Variants in MLLT3 observed in about 807,000 individuals in gnomAD.
MLLT3 encodes the protein MLLT3 super elongation complex subunit.
MLLT3 carries 4 observed loss-of-function variants against 53.2 expected under a neutral mutation model. That is an observed-to-expected ratio of 0.08 (90% confidence interval 0.04 to 0.17). The LOEUF (loss-of-function observed/expected upper bound fraction) is 0.17. MLLT3 is among the 10% of genes least tolerant of loss of function. The pLI is 1.00. For missense variants in MLLT3, 569 were observed against 684.0 expected, an observed-to-expected ratio of 0.83 and a Z score of 1.87; for synonymous variants, 283 against 230.6, an observed-to-expected ratio of 1.23 and a Z score of -2.06.
intron 2 of MLLT3, among the ~76,000 whole-genome samples, chr9:20,574,714 G>T (rs1484629274): frequency 2.0e-5 from 3 of 152,134 alleles, no homozygotes; most frequent in African/African-American, 7.2e-5. Context: ...CAGGGTGGTG[G>T]GTGATGAAGG....
intron 5 of MLLT3, among the ~76,000 whole-genome samples, chr9:20,367,402 T>G (rs1821485555): frequency 6.6e-6 from 1 of 152,192 alleles, no homozygotes; most frequent in Non-Finnish European, 1.5e-5. Context: ...GTCTTGTGCT[T>G]CTTGTAATCC....
intron 8 of MLLT3, among the ~76,000 whole-genome samples, chr9:20,359,356 C>A (rs1448182831): frequency 2.0e-5 from 3 of 152,056 alleles, no homozygotes; most frequent in Non-Finnish European, 4.4e-5. Context: ...GGCATCCACA[C>A]CAGAGGTAAA....
At chr9:20,356,125 T>C (rs972439121) in intron 8 of MLLT3, among the ~76,000 whole-genome samples, 1 of 152,150 alleles carries the variant, frequency 6.6e-6, no homozygotes, top group Non-Finnish European at 1.5e-5. Flanking sequence ...TGGATGAGGA[T>C]AGGAACATGA....
At chr9:20,551,947 C>G (rs765559100) in intron 2 of MLLT3, among the ~76,000 whole-genome samples, 2 of 152,196 alleles carry the variant, frequency 1.3e-5, no homozygotes, top group Non-Finnish European at 2.9e-5. Context: ...AACAAATACA[C>G]AAACCTGCTC....
At chr9:20,414,494 C>T in intron 4 of MLLT3, 69 bp from the exon 5 acceptor site, 1 of 1,583,860 alleles carries the variant, frequency 6.3e-7, no homozygotes, top group Non-Finnish European at 8.5e-7. Flanking sequence ...AAGAGATCTA[C>T]ATAAAATGAT....
rs142274257 is a variant in MLLT3 at position 20,489,253 on chromosome 9, T to C, written c.194-32467A>G. Reference sequence around the variant, plus strand: ...AATTTCGTAAAATTCTTTCAATGAATTGGTTCCTGAGTCAGATAGGTTTTT... The same window carrying C: ...AATTTCGTAAAATTCTTTCAATGAACTGGTTCCTGAGTCAGATAGGTTTTT... On this transcript the variant is annotated intron_variant, in intron 2 of 10. Coordinates refer to ENST00000380338, the MANE Select transcript of MLLT3 (RefSeq NM_004529.4). 4.1e-3 allele frequency among the ~76,000 whole-genome samples: 621 copies of C among 152,318 alleles called. 6 individuals are homozygous for C. Among genetic ancestry groups the C allele is most frequent in the Non-Finnish European group, 4.7e-3 (321 of 68,020 alleles).
chr9:20,607,155 T>C (rs1330032812), intron 2 of MLLT3, among the ~76,000 whole-genome samples: 2 of 152,136 alleles, frequency 1.3e-5, no homozygotes, highest in Non-Finnish European at 2.9e-5. Flanking sequence ...CTCTTTGCAA[T>C]ACTCAAACCA....
chr9:20,537,769 T>A (rs1359513175), intron 2 of MLLT3, among the ~76,000 whole-genome samples: 1 of 152,174 alleles, frequency 6.6e-6, no homozygotes, highest in East Asian at 1.9e-4. Context: ...GATGATTTAT[T>A]GCCCTATGAA....
intron 2 of MLLT3, among the ~76,000 whole-genome samples, chr9:20,591,604 G>A (rs992825667): frequency 2.0e-5 from 3 of 152,170 alleles, no homozygotes; most frequent in African/African-American, 4.8e-5. Context: ...AGAATATCGC[G>A]AAATGTTTAG....
At chr9:20,348,837 T>C (rs1000590253) in intron 10 of MLLT3, among the ~76,000 whole-genome samples, 1 of 152,168 alleles carries the variant, frequency 6.6e-6, no homozygotes, top group East Asian at 1.9e-4. Context: ...TCCACACACA[T>C]ACAGAAACAC....
chr9:20,517,018 G>T (rs563713373), intron 2 of MLLT3, among the ~76,000 whole-genome samples: 1 of 152,210 alleles, frequency 6.6e-6, no homozygotes, highest in Non-Finnish European at 1.5e-5. Context: ...ATATACTTAC[G>T]CAGTTTTTGT....
At chr9:20,433,471 A>G (rs2118820185) in intron 4 of MLLT3, among the ~76,000 whole-genome samples, 1 of 152,266 alleles carries the variant, frequency 6.6e-6, no homozygotes, top group Admixed American at 6.6e-5. Flanking sequence ...TAAAACACTT[A>G]TTAATTACAG....
chr9:20,409,616 G>A (rs1822673012), intron 5 of MLLT3, among the ~76,000 whole-genome samples: 1 of 152,132 alleles, frequency 6.6e-6, no homozygotes, highest in South Asian at 2.1e-4. Context: ...AATGGGAATA[G>A]CCTCAGTTCT....
chr9:20,452,264 G>C (rs893279106), intron 3 of MLLT3, among the ~76,000 whole-genome samples: 6 of 152,128 alleles, frequency 3.9e-5, no homozygotes, highest in African/African-American at 1.4e-4. Flanking sequence ...CACGTGTCTT[G>C]GGAGGTAATT....
chr9:20,430,306 T>A (rs1339392716), intron 4 of MLLT3, among the ~76,000 whole-genome samples: 4 of 152,138 alleles, frequency 2.6e-5, no homozygotes, highest in African/African-American at 9.7e-5. Flanking sequence ...GAACTTACAC[T>A]GAGTCTAAAA....
At chr9:20,517,607 C>T (rs1817949473) in intron 2 of MLLT3, among the ~76,000 whole-genome samples, 1 of 152,094 alleles carries the variant, frequency 6.6e-6, no homozygotes, top group South Asian at 2.1e-4. Flanking sequence ...GAGGCTGAGG[C>T]AGATGGATCA....
intron 2 of MLLT3, among the ~76,000 whole-genome samples, chr9:20,588,525 C>T (rs1027253251): frequency 1.6e-4 from 24 of 152,052 alleles, no homozygotes; most frequent in African/African-American, 4.8e-4. Flanking sequence ...CCTTGAGCAG[C>T]GGTTTGTAGT....
At chr9:20,548,976 G>A (rs891730036) in intron 2 of MLLT3, among the ~76,000 whole-genome samples, 12 of 151,812 alleles carry the variant, frequency 7.9e-5, no homozygotes, top group African/African-American at 2.7e-4. Flanking sequence ...CTCCATACCC[G>A]GCTAATTTTA....
intron 2 of MLLT3, among the ~76,000 whole-genome samples, chr9:20,592,496 T>C (rs548815707): frequency 6.6e-6 from 1 of 152,310 alleles, no homozygotes; most frequent in Non-Finnish European, 1.5e-5. Flanking sequence ...TCTCTTCTTA[T>C]AAGGACACAA....
Sources: allele counts gnomAD v4.1 joint callset (sites outside exome capture counted in the v4.1 genomes callset), GRCh38; gene constraint gnomAD v4.1.1; transcripts MANE v1.5; gene names NCBI Gene and HGNC (gene_info 2026-07-23, HGNC 2026-07-21).